PRKCB: variants seen among roughly 807,000 people sequenced by gnomAD.
PRKCB encodes the protein protein kinase C beta type.
Under a neutral mutation model 81.5 loss-of-function variants are expected in PRKCB, and 13 were observed. The observed-to-expected ratio is 0.16, with a 90% CI of 0.10 to 0.25. The LOEUF (loss-of-function observed/expected upper bound fraction) is 0.25, where lower values mean the gene tolerates loss of function less well. PRKCB is among the 10% of genes least tolerant of loss of function. The pLI is 1.00. For missense variants in PRKCB, 509 were observed against 875.7 expected (o/e 0.58, Z 5.29); for synonymous variants, 335 against 321.4 (o/e 1.04, Z -0.45).
At chr16:23,910,142 C>T (rs962674700) in intron 2 of PRKCB, among the ~76,000 whole-genome samples, 7 of 152,126 alleles carry the variant, frequency 4.6e-5, no homozygotes, top group Admixed American at 2.6e-4. Context: ...GTCCCTCTTC[C>T]GCTCCAAGTT....
Position 24,015,318 on chromosome 16 carries a change from G to A in PRKCB, c.289-16818G>A, listed in dbSNP as rs137941479. 3.9e-3 allele frequency among the ~76,000 whole-genome samples: 588 copies of A among 152,284 alleles called. 5 individuals carry two copies. The highest frequency in any genetic ancestry group is 5.7e-3 in the Admixed American group (87 of 15,302). ...CTTATATAACTCAAGTAGCTTGCTC[G>A]AGGCTGCACGACTGGAAATTACCAG... On this transcript the variant is annotated intron_variant, in intron 3 of 16. Coordinates refer to ENST00000643927, the MANE Select transcript of PRKCB (RefSeq NM_002738.7).
intron 1 of PRKCB, 66 bp from the exon 2 acceptor site, chr16:23,837,309 G>A: frequency 2.5e-6 from 4 of 1,597,472 alleles, no homozygotes; most frequent in South Asian, 2.2e-5. Context: ...GGGTGACTCT[G>A]TGGGTAACTA....
chr16:24,030,451 A>C (rs1410550011), intron 3 of PRKCB, among the ~76,000 whole-genome samples: 1 of 152,168 alleles, frequency 6.6e-6, no homozygotes, highest in Non-Finnish European at 1.5e-5. Context: ...AATCATGGAA[A>C]GCTTATGCTG....
At chr16:23,910,504 G>A (rs1182245416) in intron 2 of PRKCB, among the ~76,000 whole-genome samples, 2 of 152,144 alleles carry the variant, frequency 1.3e-5, no homozygotes, top group African/African-American at 4.8e-5. Context: ...CAGAAACAGA[G>A]CAGGTCTCAG....
intron 2 of PRKCB, among the ~76,000 whole-genome samples, chr16:23,841,281 T>C (rs934304771): frequency 6.6e-6 from 1 of 152,036 alleles, no homozygotes; most frequent in Non-Finnish European, 1.5e-5. Flanking sequence ...GGTTTCATCA[T>C]TTTGGCCAGG....
intron 5 of PRKCB, among the ~76,000 whole-genome samples, chr16:24,069,226 C>T (rs1278563095): frequency 2.0e-5 from 3 of 152,168 alleles, no homozygotes; most frequent in African/African-American, 7.2e-5. Context: ...GATAAGGGTA[C>T]ATGAAATGCA....
At chr16:23,935,973 C>T (rs1964052448) in intron 2 of PRKCB, among the ~76,000 whole-genome samples, 1 of 152,138 alleles carries the variant, frequency 6.6e-6, no homozygotes, top group African/African-American at 2.4e-5. Flanking sequence ...TTGCATTATT[C>T]CCGTGTAACA....
chr16:24,026,115 A>T (rs1456223731), intron 3 of PRKCB, among the ~76,000 whole-genome samples: 1 of 152,108 alleles, frequency 6.6e-6, no homozygotes, highest in East Asian at 1.9e-4. Context: ...TGGGCAACAT[A>T]GCAAAAACCC....
At chr16:23,995,575 G>T (rs927789385) in intron 3 of PRKCB, among the ~76,000 whole-genome samples, 1 of 152,118 alleles carries the variant, frequency 6.6e-6, no homozygotes. Context: ...CTAAATTGCC[G>T]TATGACCCGA....
chr16:24,156,163 C>T (rs942759384), intron 10 of PRKCB, among the ~76,000 whole-genome samples: 1 of 152,120 alleles, frequency 6.6e-6, no homozygotes. Context: ...TACTTAGTTC[C>T]CTAGTGGTAT....
chr16:23,928,469 G>C (rs1283761399), intron 2 of PRKCB, among the ~76,000 whole-genome samples: 1 of 152,094 alleles, frequency 6.6e-6, no homozygotes, highest in Non-Finnish European at 1.5e-5. Flanking sequence ...AGGCACTCTG[G>C]TATGCATGCA....
At chr16:23,871,168 A>T (rs1962896730) in intron 2 of PRKCB, among the ~76,000 whole-genome samples, 1 of 152,144 alleles carries the variant, frequency 6.6e-6, no homozygotes, top group African/African-American at 2.4e-5. Flanking sequence ...GACATGGGGG[A>T]TGGGCTGTAT....
chr16:23,964,512 A>G (rs980636851), intron 2 of PRKCB, among the ~76,000 whole-genome samples: 1 of 152,220 alleles, frequency 6.6e-6, no homozygotes, highest in Non-Finnish European at 1.5e-5. Flanking sequence ...GGCTCTTGGT[A>G]AGGTTAAATA....
At chr16:24,094,134 A>G in intron 6 of PRKCB, 29 bp from the exon 7 acceptor site, 1 of 1,608,834 alleles carries the variant, frequency 6.2e-7, no homozygotes, top group South Asian at 1.1e-5. Context: ...TACAACCTCC[A>G]CTGATGTCTT....
At chr16:24,120,361 T>A (rs1465920964) in intron 8 of PRKCB, among the ~76,000 whole-genome samples, 1 of 152,154 alleles carries the variant, frequency 6.6e-6, no homozygotes, top group African/African-American at 2.4e-5. Context: ...AAAACATGAA[T>A]AAAGAGAAAA....
chr16:24,112,862 C>A (rs1966692332), intron 7 of PRKCB, 111 bp from the exon 8 acceptor site: 3 of 732,826 alleles, frequency 4.1e-6, no homozygotes, highest in Non-Finnish European at 6.7e-6. Context: ...AAACCCTCAA[C>A]GTATATTTTT....
chr16:24,220,033 A>G lies in PRKCB; in HGVS notation c.*5217A>G. The G allele has an allele frequency of 6.2e-7, 1 of 1,614,194 alleles. No homozygotes were observed. Among genetic ancestry groups the G allele is most frequent in the Non-Finnish European group, 8.5e-7 (1 of 1,180,028 alleles). On this transcript the variant is annotated 3_prime_UTR_variant, in exon 17 of 17. Coordinates refer to ENST00000643927, the MANE Select transcript of PRKCB (RefSeq NM_002738.7). ...GCCTGTGGAACTGACCCCCACTGAT[A>G]AACTCTTCATCATGAACTTGGACCA...
At position 24,211,431 on chromosome 16, in the gene PRKCB, G is replaced by A. The variant is rs190767582; in HGVS notation, c.1864-3227G>A. 1.6e-3 allele frequency among the ~76,000 whole-genome samples: 243 copies of A among 152,192 alleles called. 1 individual carries two copies. Among genetic ancestry groups the A allele is most frequent in the African/African-American group, 5.7e-3 (235 of 41,494 alleles). ...ATTTTATCCTCATATCACAACCCCAGTGTGATAGGAATTAAAATTGCTCCC... is the reference window on the plus strand; with the variant it reads ...ATTTTATCCTCATATCACAACCCCAATGTGATAGGAATTAAAATTGCTCCC... On this transcript the variant is annotated intron_variant, in intron 16 of 16. Transcript: ENST00000643927.
At chr16:23,973,338 C>T (rs1011052319) in intron 2 of PRKCB, among the ~76,000 whole-genome samples, 43 of 152,086 alleles carry the variant, frequency 2.8e-4, no homozygotes, top group African/African-American at 9.4e-4. Context: ...CCCGCCACCA[C>T]GCCCGGCTAA....
Sources: gnomAD v4.1 joint callset for allele counts (sites outside exome capture counted in the v4.1 genomes callset) on GRCh38, gnomAD v4.1.1 for gene constraint, MANE v1.5 for transcripts, NCBI Gene and HGNC (gene_info 2026-07-23, HGNC 2026-07-21) for gene names.